EIF4G3: variants seen among roughly 807,000 people sequenced by gnomAD.
The protein encoded by EIF4G3 is eIF-4-gamma 3.
EIF4G3 carries 34 observed loss-of-function variants against 186.4 expected under a neutral mutation model. The observed-to-expected ratio is 0.18, with a 90% CI of 0.14 to 0.24. The LOEUF (loss-of-function observed/expected upper bound fraction) is 0.24, where lower values mean the gene tolerates loss of function less well. Among genes scored for constraint, EIF4G3 ranks in the 10% least tolerant of loss-of-function variants. EIF4G3 has a pLI of 1.00. For synonymous variants in EIF4G3, 673 were observed against 679.5 expected (o/e 0.99, Z 0.15); for missense variants, 1,536 against 1,948.5 (o/e 0.79, Z 3.99).
chr1:21,012,213 C>T (rs752293990), intron 4 of EIF4G3, among the ~76,000 whole-genome samples: 2 of 152,116 alleles, frequency 1.3e-5, no homozygotes, highest in Non-Finnish European at 2.9e-5. Flanking sequence ...GGTTTCGGGA[C>T]AGTCGTTTAC....
At chr1:21,023,436 T>G (rs2091312951) in intron 4 of EIF4G3, among the ~76,000 whole-genome samples, 1 of 151,512 alleles carries the variant, frequency 6.6e-6, no homozygotes, top group Non-Finnish European at 1.5e-5. Context: ...GCCTGACTGG[T>G]TTTGGTGGAG....
chr1:20,997,784 C>T (rs1382085330), intron 6 of EIF4G3, among the ~76,000 whole-genome samples, 151 bp from the exon 7 acceptor site: 3 of 152,024 alleles, frequency 2.0e-5, no homozygotes, highest in African/African-American at 4.8e-5. Flanking sequence ...CAAAGCTTTG[C>T]TGCAGGACAG....
chr1:20,883,540 C>G (rs550210261), intron 19 of EIF4G3, among the ~76,000 whole-genome samples: 2 of 151,886 alleles, frequency 1.3e-5, no homozygotes, highest in African/African-American at 2.4e-5. Flanking sequence ...TCACTTGAAC[C>G]TGGGAGGCGG....
At chr1:21,026,962 A>T (rs1478595064) in intron 4 of EIF4G3, among the ~76,000 whole-genome samples, 1 of 150,424 alleles carries the variant, frequency 6.6e-6, no homozygotes, top group African/African-American at 2.4e-5. Context: ...AAAAGTTAAT[A>T]TCCTGAATAT....
chr1:20,985,341 G>A lies in EIF4G3; in HGVS notation c.178-2933C>T, dbSNP rs145049146. On this transcript the variant is annotated intron_variant, in intron 7 of 36. Transcript: ENST00000602326. The stretch of plus-strand genomic sequence containing the variant: ...TGAAACTTGTTCATATGCTAAAAGC[G>A]TATCCTTGGCATACCATTTTACAGA... Among the ~76,000 whole-genome samples the A allele has an allele frequency of 9.2e-5, 14 of 152,140 alleles. No individual in the cohort carries two copies. In the East Asian group the frequency reaches 2.3e-3, roughly 25 times the overall value.
At chr1:20,864,759 CT>C (rs1557982741) in intron 21 of EIF4G3, 47 bp from the exon 22 acceptor site, 1 of 1,452,602 alleles carries the variant, frequency 6.9e-7, no homozygotes, top group Non-Finnish European at 9.6e-7. Flanking sequence ...GAAAGTTGTA[CT>C]GCACAATAAA....
chr1:21,113,803 C>G (rs904577496), intron 2 of EIF4G3, among the ~76,000 whole-genome samples: 1 of 152,058 alleles, frequency 6.6e-6, no homozygotes. Context: ...ATCCCTTGAG[C>G]CAAGAGTTTG....
chr1:20,969,525 T>C lies in EIF4G3; in HGVS notation c.663A>G (p.Arg221=). 2 of 1,613,988 alleles carry C rather than the reference T, an allele frequency of 1.2e-6. No individual in the cohort carries two copies. Among genetic ancestry groups the C allele is most frequent in the Non-Finnish European group, 1.7e-6 (2 of 1,179,894 alleles). The change falls in exon 12 of 37, where the codon AGA becomes AGG. Residue 221 remains arginine (R), a synonymous_variant. Coordinates refer to ENST00000602326, the MANE Select transcript of EIF4G3 (RefSeq NM_001391906.1). ...GTCTTCCTATGGGTGGAGTAGGATT[T>C]CTGCTGCCACCTCCAGACATAATCT... The part of the protein sequence containing the change: ...TEEIMSGGGS[R]NPTPPIGRPT...
At chr1:21,170,523 T>C (rs2097939959) in intron 2 of EIF4G3, among the ~76,000 whole-genome samples, 2 of 148,946 alleles carry the variant, frequency 1.3e-5, no homozygotes, top group Admixed American at 6.7e-5. Flanking sequence ...ATACAAAAAT[T>C]AGATGGGTGT....
At chr1:21,117,765 A>C (rs1572818086) in intron 2 of EIF4G3, among the ~76,000 whole-genome samples, 1 of 148,762 alleles carries the variant, frequency 6.7e-6, no homozygotes. Flanking sequence ...AAAAAAATTA[A>C]AAGCAGAAGT....
chr1:21,085,847 C>A (rs1267041093), intron 3 of EIF4G3, among the ~76,000 whole-genome samples: 2 of 152,118 alleles, frequency 1.3e-5, no homozygotes, highest in Non-Finnish European at 1.5e-5. Flanking sequence ...GTTCACGCCA[C>A]CACACCCGGC....
intron 2 of EIF4G3, among the ~76,000 whole-genome samples, chr1:21,127,374 C>T (rs538155336): frequency 1.3e-5 from 2 of 152,286 alleles, no homozygotes; most frequent in African/African-American, 4.8e-5. Context: ...CATGGGCCAC[C>T]GCATCTGGCC....
At chr1:20,945,999 G>C (rs1314033440) in intron 13 of EIF4G3, among the ~76,000 whole-genome samples, 4 of 152,126 alleles carry the variant, frequency 2.6e-5, no homozygotes, top group African/African-American at 9.7e-5. Context: ...GAATAAAATT[G>C]CTCCCTTTTA....
At chr1:21,053,140 G>A (rs1193729277) in intron 3 of EIF4G3, among the ~76,000 whole-genome samples, 114 of 147,436 alleles carry the variant, frequency 7.7e-4, no homozygotes, top group Non-Finnish European at 1.2e-3. Context: ...AGTGAGGAGC[G>A]TCTCTGCCAG....
Position 20,981,204 on chromosome 1 carries a change from C to T in EIF4G3, c.222G>A (p.Gln74=). The T allele has an allele frequency of 6.2e-7, 1 of 1,606,798 alleles. No individual in the cohort carries two copies. The highest frequency in any genetic ancestry group is 8.5e-7 in the Non-Finnish European group (1 of 1,176,520). The change falls in exon 9 of 37, where the codon CAG becomes CAA. Residue 74 remains glutamine, a synonymous_variant. Coordinates refer to ENST00000602326, the MANE Select transcript of EIF4G3 (RefSeq NM_001391906.1). ...TGTTCGGGATGGTAGCTCTAGGAGGCTGTATTTGAGGCCTCTGGAAAAACT... is the reference window on the plus strand; with the variant it reads ...TGTTCGGGATGGTAGCTCTAGGAGGTTGTATTTGAGGCCTCTGGAAAAACT... ...PIQFFQRPQI[Q]PPRATIPNSS...
chr1:21,061,885 C>A (rs1265246361), intron 3 of EIF4G3, among the ~76,000 whole-genome samples: 2 of 151,492 alleles, frequency 1.3e-5, no homozygotes, highest in Admixed American at 6.6e-5. Flanking sequence ...GTAGCTGGGA[C>A]TACAGGCACA....
At chr1:20,989,593 G>A (rs2080566533) in intron 7 of EIF4G3, among the ~76,000 whole-genome samples, 1 of 136,318 alleles carries the variant, frequency 7.3e-6, no homozygotes, top group Non-Finnish European at 1.6e-5. Context: ...AGTAGAGCCT[G>A]AAGATGTGAC....
chr1:20,969,864 G>A (rs943800899), intron 11 of EIF4G3, among the ~76,000 whole-genome samples: 1 of 152,086 alleles, frequency 6.6e-6, no homozygotes, highest in Admixed American at 6.5e-5. Flanking sequence ...ATTTATACTT[G>A]TTTTGTAAGA....
intron 2 of EIF4G3, among the ~76,000 whole-genome samples, chr1:21,122,626 G>A (rs1008155928): frequency 4.6e-5 from 7 of 152,130 alleles, no homozygotes; most frequent in Non-Finnish European, 1.0e-4. Flanking sequence ...TACAGAACAG[G>A]TCAAACGAGA....
Sources: allele counts gnomAD v4.1 joint callset (sites outside exome capture counted in the v4.1 genomes callset), GRCh38; gene constraint gnomAD v4.1.1; transcripts MANE v1.5; gene names NCBI Gene and HGNC (gene_info 2026-07-23, HGNC 2026-07-21).